The following KIRREL1 variants were observed in gnomAD, a reference collection of about 807,000 sequenced individuals.
KIRREL1 encodes kirre like nephrin family adhesion molecule 1.
KIRREL1 carries 25 observed loss-of-function variants against 83.3 expected under a neutral mutation model. The ratio of observed to expected loss-of-function variants is 0.30; its 90% CI spans 0.22 to 0.42. The LOEUF is 0.42. Among genes scored for constraint, KIRREL1 ranks in the 10% least tolerant of loss-of-function variants. The probability of loss-of-function intolerance (pLI) is 1.00; values close to 1 mark genes in which losing one functional copy is unlikely to be tolerated. For synonymous variants in KIRREL1, 388 were observed against 410.4 expected (o/e 0.95, Z 0.66); for missense variants, 812 against 1,032.3 (o/e 0.79, Z 2.92).
chr1:158,052,470 T>C (rs879458569), intron 1 of KIRREL1, among the ~76,000 whole-genome samples: 1 of 152,150 alleles, frequency 6.6e-6, no homozygotes, highest in Non-Finnish European at 1.5e-5. Context: ...TACTGGAGGC[T>C]GGATAATTTA....
chr1:158,033,219 C>T (rs1370705281), intron 1 of KIRREL1, among the ~76,000 whole-genome samples: 2 of 152,002 alleles, frequency 1.3e-5, no homozygotes, highest in African/African-American at 4.8e-5. Flanking sequence ...TCACAGGCGC[C>T]CACCACCATG....
At chr1:158,047,263 G>C (rs1204370563) in intron 1 of KIRREL1, among the ~76,000 whole-genome samples, 1 of 152,202 alleles carries the variant, frequency 6.6e-6, no homozygotes, top group Non-Finnish European at 1.5e-5. Flanking sequence ...CTAGGCACCA[G>C]GGGTCGTCAT....
intron 4 of KIRREL1, 81 bp from the exon 5 acceptor site, chr1:158,086,515 C>T: frequency 1.4e-6 from 2 of 1,437,514 alleles, no homozygotes. Context: ...CAGCCCAAGC[C>T]CATCTCTGAG....
At chr1:158,089,895 T>G in intron 10 of KIRREL1, 77 bp downstream of exon 10, 1 of 1,300,352 alleles carries the variant, frequency 7.7e-7, no homozygotes, top group Non-Finnish European at 1.1e-6. Flanking sequence ...TCACTTCTGC[T>G]GGTTTTGCTC....
Position 158,084,592 on chromosome 1 carries a change from C to A in KIRREL1, c.510+13C>A, listed in dbSNP as rs1369553137. 1 of 1,550,042 alleles carries A rather than the reference C, an allele frequency of 6.5e-7. No homozygotes were observed. Among genetic ancestry groups the A allele is most frequent in the African/African-American group, 1.4e-5 (1 of 73,040 alleles). On this transcript the variant is annotated intron_variant, in intron 4 of 14. Coordinates refer to ENST00000359209, the MANE Select transcript of KIRREL1 (RefSeq NM_018240.7). ...TGTGGCCAGCACGGTGAGCTCCAGC[C>A]AGCTCCCCCAGCTCCTCCTGGGCCT...
intron 1 of KIRREL1, among the ~76,000 whole-genome samples, chr1:158,020,600 C>CAAACAAAAA (rs1659978311): frequency 1.2e-5 from 1 of 83,678 alleles, no homozygotes; most frequent in Non-Finnish European, 2.1e-5. Flanking sequence ...TACAGTAAAT[C>CAAACAAAAA]AAAAAAAAAA....
At chr1:158,053,588 C>T (rs948543494) in intron 1 of KIRREL1, among the ~76,000 whole-genome samples, 11 of 152,144 alleles carry the variant, frequency 7.2e-5, no homozygotes, top group African/African-American at 2.7e-4. Context: ...TGGTTTGAGG[C>T]TTAATTTTGC....
chr1:158,093,648 G>A lies in KIRREL1; in HGVS notation c.1605G>A (p.Lys535=), dbSNP rs759921177. 3 of 1,614,200 alleles carry A rather than the reference G, an allele frequency of 1.9e-6. No homozygotes were observed. Among genetic ancestry groups the A allele is most frequent in the South Asian group, 2.2e-5 (2 of 91,078 alleles). ...KGSRKDVTLR[K]LDIKVETVNR... is the part of the protein sequence containing the mutation. Reference sequence around the variant, plus strand: ...GTCGCAAAGACGTGACCCTGAGGAAGCTGGATATCAAGGTGGAGACAGTGA... The same window carrying A: ...GTCGCAAAGACGTGACCCTGAGGAAACTGGATATCAAGGTGGAGACAGTGA... Residue 535 remains lysine, a synonymous_variant, in exon 13 of 15, where the codon AAG becomes AAA. Coordinates refer to ENST00000359209, the MANE Select transcript of KIRREL1 (RefSeq NM_018240.7).
At chr1:158,069,302 T>TTGTGTGTGTGTGTG (rs57076623) in intron 1 of KIRREL1, among the ~76,000 whole-genome samples, 1 of 143,372 alleles carries the variant, frequency 7.0e-6, no homozygotes, top group Middle Eastern at 3.5e-3. Flanking sequence ...TATGACGTAC[T>TTGTGTGTGTGTGTG]TGTGTGTGTG....
intron 1 of KIRREL1, among the ~76,000 whole-genome samples, chr1:158,064,178 G>A (rs1053509177): frequency 9.9e-5 from 15 of 152,068 alleles, no homozygotes; most frequent in South Asian, 2.1e-4. Flanking sequence ...CCATCTATTC[G>A]TCTGGAAAAG....
intron 1 of KIRREL1, among the ~76,000 whole-genome samples, chr1:158,008,224 G>A (rs1467958665): frequency 6.6e-6 from 1 of 152,038 alleles, no homozygotes; most frequent in Non-Finnish European, 1.5e-5. Context: ...AAGGGGGCGG[G>A]GCGCAGTGAG....
chr1:158,042,368 GT>G (rs898025743), intron 1 of KIRREL1, among the ~76,000 whole-genome samples: 1 of 152,144 alleles, frequency 6.6e-6, no homozygotes, highest in Non-Finnish European at 1.5e-5. Flanking sequence ...TATTGCTTCA[GT>G]TTTCACTGGG....
chr1:157,994,623 G>C (rs758712910), intron 1 of KIRREL1, among the ~76,000 whole-genome samples: 1 of 152,056 alleles, frequency 6.6e-6, no homozygotes, highest in South Asian at 2.1e-4. Context: ...CAGGGACTGG[G>C]GTCTGTGGGA....
rs1229084335 is a variant in KIRREL1, at chr1:158,034,279, AAAAAAAAG to A, written c.52+40564_52+40571del. Among the ~76,000 whole-genome samples the A allele has an allele frequency of 2.8e-3, 369 of 132,302 alleles. 1 individual carries two copies. Among genetic ancestry groups the A allele is most frequent in the African/African-American group, 9.3e-3 (349 of 37,590 alleles). The allele number at this position is 132,302 out of a possible 152,430, so 86.8% of individuals were successfully genotyped here. ...AGCTAGACTCCGTCTCAAAAAAAAA[AAAAAAAAG>A]AAAAAAAGAAAATGAAATTTTTCTT... On this transcript the variant is annotated intron_variant, in intron 1 of 14. Transcript: ENST00000359209.
At chr1:158,086,842 TC>T in intron 5 of KIRREL1, 96 bp downstream of exon 5, 1 of 1,174,544 alleles carries the variant, frequency 8.5e-7, no homozygotes, top group Non-Finnish European at 1.2e-6. Context: ...AAACTAAGAG[TC>T]CCCCTATGGT....
chr1:158,073,150 G>C (rs7512053), intron 1 of KIRREL1, among the ~76,000 whole-genome samples: 35,345 of 151,984 alleles, frequency 0.23, 4,243 homozygotes, highest in African/African-American at 0.26. Flanking sequence ...ATTGCCAGTG[G>C]CTTTAGTAGG....
At chr1:158,012,545 G>T (rs994439530) in intron 1 of KIRREL1, among the ~76,000 whole-genome samples, 9 of 151,982 alleles carry the variant, frequency 5.9e-5, no homozygotes, top group Non-Finnish European at 1.0e-4. Context: ...CTTTTTTTTG[G>T]TGTGGTGTAA....
intron 1 of KIRREL1, among the ~76,000 whole-genome samples, chr1:158,058,427 A>T (rs540233982): frequency 3.5e-4 from 53 of 152,202 alleles, no homozygotes; most frequent in African/African-American, 1.2e-3. Context: ...GCCCTGCCCC[A>T]GGCTTCCAAG....
chr1:158,074,940 G>T (rs1364355147), intron 1 of KIRREL1, among the ~76,000 whole-genome samples: 1 of 152,178 alleles, frequency 6.6e-6, no homozygotes, highest in Admixed American at 6.5e-5. Context: ...AAAGAAGAAG[G>T]AGGAGGCCGT....
Sources: gnomAD v4.1 joint callset for allele counts (sites outside exome capture counted in the v4.1 genomes callset) on GRCh38, gnomAD v4.1.1 for gene constraint, MANE v1.5 for transcripts, NCBI Gene and HGNC (gene_info 2026-07-23, HGNC 2026-07-21) for gene names.